GPC5: variants seen among roughly 807,000 people sequenced by gnomAD.
GPC5 encodes the protein glypican 5, also known as glypican-5.
GPC5 carries 47 observed loss-of-function variants against 53.9 expected under a neutral mutation model. The ratio of observed to expected loss-of-function variants is 0.87; its 90% CI spans 0.69 to 1.11. The LOEUF (loss-of-function observed/expected upper bound fraction) is 1.11. GPC5 is among the 50% of genes most tolerant of loss of function. The pLI, the probability that GPC5 is intolerant of heterozygous loss-of-function variation, is 0.00. For missense variants in GPC5, 748 were observed against 713.1 expected (o/e 1.05, Z -0.56); for synonymous variants, 286 against 263.3 (o/e 1.09, Z -0.84).
At chr13:92,391,591 T>C (rs772413620) in intron 7 of GPC5, among the ~76,000 whole-genome samples, 24 of 152,210 alleles carry the variant, frequency 1.6e-4, no homozygotes, top group Non-Finnish European at 3.1e-4. Context: ...TGAAATGTTA[T>C]ACTATAGATC....
chr13:91,485,058 C>T (rs73602328), intron 2 of GPC5, among the ~76,000 whole-genome samples: 3,446 of 152,286 alleles, frequency 0.023, 137 homozygotes, highest in African/African-American at 0.075. Context: ...CCAGGCCATA[C>T]CCCAGAACTA....
rs398023955 is a variant in GPC5 at position 92,257,546 on chromosome 13, A to ATTTTTT, written c.1561+112573_1561+112578dup. The stretch of plus-strand genomic sequence containing the variant: ...AGTGAGAGAGGTTTCTAATACAGGG[A>ATTTTTT]TTTTTTTTTTTTTTTTTTTTTGGGG... On this transcript the variant is annotated intron_variant, in intron 7 of 7. Transcript: ENST00000377067. Among the ~76,000 whole-genome samples, 16 of 72,936 alleles carry ATTTTTT rather than the reference A, an allele frequency of 2.2e-4. 2 individuals are homozygous for ATTTTTT. The highest frequency in any genetic ancestry group is 9.3e-4 in the African/African-American group (12 of 12,940). 47.8% of individuals were successfully genotyped at this position (72,936 alleles called of 152,430 possible).
chr13:92,121,218 C>A (rs2041646372), intron 6 of GPC5, among the ~76,000 whole-genome samples: 2 of 152,106 alleles, frequency 1.3e-5, no homozygotes, highest in Admixed American at 6.5e-5. Context: ...TGATCTGATC[C>A]ACTCACACTT....
At chr13:92,680,480 A>T (rs541730552) in intron 7 of GPC5, among the ~76,000 whole-genome samples, 2 of 152,322 alleles carry the variant, frequency 1.3e-5, no homozygotes, top group East Asian at 3.9e-4. Flanking sequence ...AGGATTAGAG[A>T]AAGTGAAGCA....
intron 5 of GPC5, among the ~76,000 whole-genome samples, chr13:91,873,888 C>T (rs1414957219): frequency 1.3e-5 from 2 of 152,052 alleles, no homozygotes; most frequent in Non-Finnish European, 2.9e-5. Flanking sequence ...CAACATGTTG[C>T]CCAGGCTGGT....
chr13:92,510,433 A>G (rs1363417970), intron 7 of GPC5, among the ~76,000 whole-genome samples: 2 of 152,186 alleles, frequency 1.3e-5, no homozygotes, highest in Non-Finnish European at 2.9e-5. Flanking sequence ...TTGTCTTAAT[A>G]TCCTTTCTTA....
intron 7 of GPC5, among the ~76,000 whole-genome samples, chr13:92,244,977 G>A (rs1174957077): frequency 1.3e-5 from 2 of 150,596 alleles, no homozygotes; most frequent in Non-Finnish European, 2.9e-5. Flanking sequence ...GGTGGAGGTT[G>A]CAGTGTGCCA....
chr13:91,678,162 TTTCAA>T (rs1212576539), intron 2 of GPC5, among the ~76,000 whole-genome samples: 1 of 152,200 alleles, frequency 6.6e-6, no homozygotes, highest in African/African-American at 2.4e-5. Flanking sequence ...GAGTGAATAC[TTTCAA>T]TTCATTTCTT....
At chr13:91,696,557 A>G (rs2035883014) in intron 3 of GPC5, among the ~76,000 whole-genome samples, 1 of 152,202 alleles carries the variant, frequency 6.6e-6, no homozygotes, top group Admixed American at 6.5e-5. Context: ...AAATTACTGG[A>G]AAGCCAGCAA....
At chr13:92,546,728 G>T (rs1882129762) in intron 7 of GPC5, among the ~76,000 whole-genome samples, 1 of 152,260 alleles carries the variant, frequency 6.6e-6, no homozygotes, top group South Asian at 2.1e-4. Flanking sequence ...TAAGCCAAAA[G>T]AACAAAGCTG....
intron 7 of GPC5, among the ~76,000 whole-genome samples, chr13:92,757,612 A>C (rs186969045): frequency 2.2e-4 from 34 of 152,354 alleles, no homozygotes; most frequent in African/African-American, 8.2e-4. Flanking sequence ...CAGAATCTAC[A>C]ATGAACTTAA....
intron 7 of GPC5, among the ~76,000 whole-genome samples, chr13:92,818,538 A>G (rs773148061): frequency 5.3e-5 from 8 of 151,950 alleles, no homozygotes; most frequent in Non-Finnish European, 2.9e-5. Context: ...GATTGTTGGA[A>G]GTAGGGTCTA....
intron 7 of GPC5, among the ~76,000 whole-genome samples, chr13:92,730,984 T>C (rs896906013): frequency 6.6e-6 from 1 of 151,412 alleles, no homozygotes; most frequent in Non-Finnish European, 1.5e-5. Flanking sequence ...CTCCTTCAGA[T>C]GACTCCAGAG....
intron 7 of GPC5, among the ~76,000 whole-genome samples, chr13:92,393,373 G>A (rs758672696): frequency 1.3e-4 from 20 of 152,138 alleles, no homozygotes; most frequent in African/African-American, 4.1e-4. Context: ...AACACAGGCC[G>A]GTGCAGTGGC....
chr13:92,054,149 G>GGTGT (rs141324926), intron 6 of GPC5, among the ~76,000 whole-genome samples: 165 of 146,040 alleles, frequency 1.1e-3, no homozygotes, highest in African/African-American at 1.4e-3. Flanking sequence ...ACTTTGGAGG[G>GGTGT]GTGTGTGTGT....
At chr13:91,934,485 T>C (rs2039851644) in intron 6 of GPC5, among the ~76,000 whole-genome samples, 1 of 151,938 alleles carries the variant, frequency 6.6e-6, no homozygotes, top group Non-Finnish European at 1.5e-5. Flanking sequence ...TGACCGATGT[T>C]AGCTGTCTGA....
At chr13:91,564,067 G>T (rs1046488705) in intron 2 of GPC5, among the ~76,000 whole-genome samples, 1 of 152,096 alleles carries the variant, frequency 6.6e-6, no homozygotes, top group Non-Finnish European at 1.5e-5. Flanking sequence ...TAGGAATCTG[G>T]ACAAAGTTCC....
chr13:92,601,096 A>G (rs530544894), intron 7 of GPC5, among the ~76,000 whole-genome samples: 2 of 152,302 alleles, frequency 1.3e-5, no homozygotes, highest in East Asian at 1.9e-4. Context: ...TAGAGACTCA[A>G]TGACATTTTT....
chr13:92,428,252 A>T (rs961180708), intron 7 of GPC5, among the ~76,000 whole-genome samples: 1 of 152,134 alleles, frequency 6.6e-6, no homozygotes, highest in Non-Finnish European at 1.5e-5. Context: ...CTTGGATGAT[A>T]TCCTGGTTGA....
Sources: allele counts gnomAD v4.1 joint callset (sites outside exome capture counted in the v4.1 genomes callset), GRCh38; gene constraint gnomAD v4.1.1; transcripts MANE v1.5; gene names NCBI Gene and HGNC (gene_info 2026-07-23, HGNC 2026-07-21).